Variants in GCN1 observed in about 807,000 individuals in gnomAD.
GCN1 encodes GCN1 activator of EIF2AK4.
A neutral mutation model predicts 288.4 loss-of-function variants in GCN1; 90 were observed. The observed-to-expected ratio is 0.31, with a 90% confidence interval of 0.26 to 0.37. GCN1 has a LOEUF of 0.37. Ranked by LOEUF, GCN1 falls within the 10% of genes least tolerant of loss-of-function variation. The pLI is 1.00. For synonymous variants in GCN1, 1,386 were observed against 1,420.2 expected, an observed-to-expected ratio of 0.98 and a Z score of 0.54; for missense variants, 2,586 against 3,419.9, an observed-to-expected ratio of 0.76 and a Z score of 6.08.
intron 53 of GCN1, among the ~76,000 whole-genome samples, chr12:120,133,726 T>C (rs1041548560): frequency 3.9e-5 from 6 of 152,078 alleles, no homozygotes; most frequent in Non-Finnish European, 7.4e-5. Context: ...AGAGAGCAAA[T>C]AGGTGAGAGG....
At chr12:120,154,886 T>G in intron 31 of GCN1, 84 bp downstream of exon 31, 2 of 1,299,138 alleles carry the variant, frequency 1.5e-6, no homozygotes, top group Non-Finnish European at 2.2e-6. Flanking sequence ...CATTAACCCA[T>G]GCTGCCTCCT....
In GCN1 at chr12:120,142,236, G is replaced by A. The variant is rs983999947; in HGVS notation, c.5829+271C>T. On this transcript the variant is annotated intron_variant, in intron 44 of 57. Coordinates refer to ENST00000300648, the MANE Select transcript of GCN1 (RefSeq NM_006836.2). This position sits in a 1 kb window ranked among gnomAD's most constrained non-coding sequence, Gnocchi z 4.9. ...AGCTACTCGGGAGGCTGAGGCAGGA[G>A]AATGGCATGAACCTAGGAGGCGGAG... 1.3e-5 allele frequency among the ~76,000 whole-genome samples: 2 copies of A among 152,298 alleles called. No individual in the cohort carries two copies. The highest frequency in any genetic ancestry group is 4.1e-4 in the South Asian group (2 of 4,830).
At chr12:120,185,112 TAA>T (rs1594289956) in intron 2 of GCN1, among the ~76,000 whole-genome samples, 1 of 151,886 alleles carries the variant, frequency 6.6e-6, no homozygotes, top group East Asian at 1.9e-4. Flanking sequence ...ACTAAGAAAA[TAA>T]AAGTGGCCTC....
chr12:120,137,477 T>C lies in GCN1; in HGVS notation c.6663+68A>G, dbSNP rs1001984750. 5 of 1,545,688 alleles carry C rather than the reference T, an allele frequency of 3.2e-6. No individual in the cohort carries two copies. Among genetic ancestry groups the C allele is most frequent in the East Asian group, 2.3e-5 (1 of 44,344 alleles). On this transcript the variant is annotated intron_variant, in intron 49 of 57. Coordinates refer to ENST00000300648, the MANE Select transcript of GCN1 (RefSeq NM_006836.2). The surrounding 1 kb of genome is among the most constrained non-coding windows in gnomAD (Gnocchi z 5.2). ...CAGGTACGTGGGGGATTCTTATAAG[T>C]CTATTCCTGTAAATGTCTGGAATTT...
chr12:120,169,800 T>G (rs1202332194), intron 15 of GCN1, among the ~76,000 whole-genome samples: 2 of 152,208 alleles, frequency 1.3e-5, no homozygotes, highest in African/African-American at 4.8e-5. Context: ...AGAGGGAAAC[T>G]TAACGGCTAC....
intron 5 of GCN1, among the ~76,000 whole-genome samples, chr12:120,180,371 C>T (rs974789346): frequency 6.6e-6 from 1 of 152,036 alleles, no homozygotes; most frequent in African/African-American, 2.4e-5. Flanking sequence ...AATCCCAACA[C>T]TTTGGGAGGC....
At position 120,142,947 on chromosome 12, in the gene GCN1, A is replaced by G; in HGVS notation, c.5496-6T>C. ...GGAGCTGAACAGAGCTGAACCTGAGAAGGAGGCCAACAACACAGTCACACA... is the reference window on the plus strand; with the variant it reads ...GGAGCTGAACAGAGCTGAACCTGAGGAGGAGGCCAACAACACAGTCACACA... On this transcript the variant is annotated splice_polypyrimidine_tract_variant and splice_region_variant and intron_variant, in intron 42 of 57. Coordinates refer to ENST00000300648, the MANE Select transcript of GCN1 (RefSeq NM_006836.2). This position sits in a 1 kb window ranked among gnomAD's most constrained non-coding sequence, Gnocchi z 4.9. 6.4e-7 allele frequency: 1 copy of G among 1,553,234 alleles called. No individual in the cohort carries two copies. Among genetic ancestry groups the G allele is most frequent in the Non-Finnish European group, 8.9e-7 (1 of 1,124,650 alleles).
chr12:120,191,620 T>C (rs1170864328), intron 1 of GCN1, among the ~76,000 whole-genome samples: 1 of 152,244 alleles, frequency 6.6e-6, no homozygotes, highest in Non-Finnish European at 1.5e-5. Flanking sequence ...ATCCCTGCCA[T>C]AATTCTATTG....
intron 2 of GCN1, among the ~76,000 whole-genome samples, chr12:120,187,887 G>GAAAAAAA (rs537567748): frequency 1.0e-5 from 1 of 99,616 alleles, no homozygotes; most frequent in African/African-American, 3.8e-5. Flanking sequence ...CAAAAGAAAT[G>GAAAAAAA]AAAAAAAAAA....
chr12:120,131,964 T>C lies in GCN1; in HGVS notation c.7376A>G (p.Glu2459Gly). 1 of 1,606,168 alleles carries C rather than the reference T, an allele frequency of 6.2e-7. No individual in the cohort carries two copies. Among genetic ancestry groups the C allele is most frequent in the South Asian group, 1.1e-5 (1 of 89,546 alleles). ...CLGELCAFLT[E>G]EELSAVLQQC... Reference sequence around the variant, plus strand: ...CTGTAGAACGGCACTAAGCTCCTCTTCAGTCAAAAAGGCACACAGTTCCCC... The same window carrying C: ...CTGTAGAACGGCACTAAGCTCCTCTCCAGTCAAAAAGGCACACAGTTCCCC... The change falls in exon 54 of 58, where the codon GAA (glutamate) becomes GGA (glycine). Residue 2459 changes from glutamate (E) to glycine (G), a missense_variant. Glu to Gly is a moderately conservative substitution (Grantham distance 98, BLOSUM62 -2). This residue lies in a region of GCN1 where 355 missense variants were observed against 431.1 expected (regional missense o/e 0.82). Transcript: ENST00000300648.
At position 120,155,093 on chromosome 12, in the gene GCN1, G is replaced by A; in HGVS notation, c.3631-53C>T. 1 of 1,550,308 alleles carries A rather than the reference G, an allele frequency of 6.5e-7. No homozygotes were observed. On this transcript the variant is annotated intron_variant, in intron 30 of 57. Coordinates refer to ENST00000300648, the MANE Select transcript of GCN1 (RefSeq NM_006836.2). The surrounding 1 kb of genome is among the most constrained non-coding windows in gnomAD (Gnocchi z 4.9). ...TGCAACGGGCAGATCAATGACCTGG[G>A]CACCAGGATTGTGAGGCAGGAAACT...
At chr12:120,151,022 G>A in intron 34 of GCN1, 123 bp downstream of exon 34, 2 of 1,045,972 alleles carry the variant, frequency 1.9e-6, no homozygotes, top group Non-Finnish European at 2.8e-6. Flanking sequence ...CACACAGCGG[G>A]GCCCTCTGTA....
At chr12:120,129,541 T>G in intron 56 of GCN1, 47 bp from the exon 57 acceptor site, 2 of 1,408,914 alleles carry the variant, frequency 1.4e-6, no homozygotes, top group Non-Finnish European at 2.0e-6. Flanking sequence ...ATGTCATCTA[T>G]TCCTTGAAGC....
At chr12:120,173,532 G>A (rs2139128951) in intron 14 of GCN1, 121 bp downstream of exon 14, 1 of 667,584 alleles carries the variant, frequency 1.5e-6, no homozygotes, top group East Asian at 2.6e-5. Context: ...TTTATTTCAG[G>A]AAGAATTAAA....
chr12:120,183,876 G>C (rs561858161), intron 4 of GCN1, among the ~76,000 whole-genome samples, 199 bp from the exon 5 acceptor site: 1 of 152,276 alleles, frequency 6.6e-6, no homozygotes, highest in South Asian at 2.1e-4. Flanking sequence ...CCATCTCTTG[G>C]CACTGACAAC....
At position 120,153,139 on chromosome 12, in the gene GCN1, T is replaced by TA; in HGVS notation, c.4062+73dup. On this transcript the variant is annotated intron_variant, in intron 33 of 57. Coordinates refer to ENST00000300648, the MANE Select transcript of GCN1 (RefSeq NM_006836.2). The surrounding 1 kb of genome is among the most constrained non-coding windows in gnomAD (Gnocchi z 4.4). ...CCTGATTGTCCAACTCCACCCCTAG[T>TA]ATCCCACCGCCTAACCACAGCCGGG... 1 of 1,296,958 alleles carries TA rather than the reference T, an allele frequency of 7.7e-7. No individual in the cohort carries two copies. The highest frequency in any genetic ancestry group is 1.1e-6 in the Non-Finnish European group (1 of 913,928). The allele number at this position is 1,296,958 out of a possible 1,614,324, so 80.3% of individuals were successfully genotyped here.
At chr12:120,133,452 G>T (rs1004716158) in intron 53 of GCN1, among the ~76,000 whole-genome samples, 2 of 152,116 alleles carry the variant, frequency 1.3e-5, no homozygotes, top group Admixed American at 1.3e-4. Context: ...AGGGCTTCTG[G>T]TTTGGACTCT....
intron 9 of GCN1, among the ~76,000 whole-genome samples, chr12:120,176,518 G>A (rs982215596): frequency 6.6e-6 from 1 of 152,210 alleles, no homozygotes; most frequent in Non-Finnish European, 1.5e-5. Context: ...AATGTCTACA[G>A]AGGAGGTTCT....
At chr12:120,189,535 G>C (rs907181143) in intron 2 of GCN1, among the ~76,000 whole-genome samples, 1 of 121,312 alleles carries the variant, frequency 8.2e-6, no homozygotes, top group Non-Finnish European at 2.0e-5. Context: ...GCTAATTTTT[G>C]TACTTTTTTT....
Sources: gnomAD v4.1 joint callset for allele counts (sites outside exome capture counted in the v4.1 genomes callset) on GRCh38, gnomAD v4.1.1 for gene constraint, gnomAD v4.1.1 regional missense constraint, Gnocchi (gnomAD v3.1) non-coding constraint, MANE v1.5 for transcripts, NCBI Gene and HGNC (gene_info 2026-07-23, HGNC 2026-07-21) for gene names.